The following INPP4B variants were observed in gnomAD, a reference collection of about 807,000 sequenced individuals.
INPP4B encodes the protein inositol polyphosphate-4-phosphatase type II B, also known as inositol polyphosphate 4-phosphatase type II.
In INPP4B, 55 loss-of-function variants were observed where a neutral mutation model predicts 122.5. The observed-to-expected ratio is 0.45, with a 90% CI of 0.36 to 0.56. INPP4B has a LOEUF of 0.56. INPP4B is among the 20% of genes least tolerant of loss of function. The pLI is 0.00. For missense variants in INPP4B, 1,000 were observed against 1,097.7 expected (o/e 0.91, Z 1.26); for synonymous variants, 403 against 388.7 (o/e 1.04, Z -0.43).
At chr4:142,409,476 G>A (rs960041498) in intron 5 of INPP4B, among the ~76,000 whole-genome samples, 4 of 147,506 alleles carry the variant, frequency 2.7e-5, no homozygotes, top group African/African-American at 1.0e-4. Flanking sequence ...CTGGGCAACA[G>A]AGCGAGACTC....
intron 1 of INPP4B, among the ~76,000 whole-genome samples, chr4:142,802,813 T>A (rs1460595699): frequency 1.3e-5 from 2 of 151,870 alleles, no homozygotes; most frequent in Non-Finnish European, 1.5e-5. Context: ...TGGTATTGAC[T>A]ATTTTTGTGC....
chr4:142,148,783 T>G (rs551976289), intron 17 of INPP4B, among the ~76,000 whole-genome samples: 4 of 152,164 alleles, frequency 2.6e-5, no homozygotes, highest in Non-Finnish European at 4.4e-5. Flanking sequence ...GCATGTTCAT[T>G]GGCTAAAACC....
intron 2 of INPP4B, among the ~76,000 whole-genome samples, chr4:142,524,548 T>A (rs188351012): frequency 6.6e-6 from 1 of 152,076 alleles, no homozygotes; most frequent in East Asian, 1.9e-4. Context: ...TTGTAGATTC[T>A]GGATATTAGC....
At chr4:142,568,501 C>T (rs1402642459) in intron 2 of INPP4B, among the ~76,000 whole-genome samples, 2 of 150,766 alleles carry the variant, frequency 1.3e-5, no homozygotes, top group Non-Finnish European at 3.0e-5. Flanking sequence ...TCATTGTTAT[C>T]ATCACCATTT....
chr4:142,332,847 TA>T (rs533319161), intron 7 of INPP4B, among the ~76,000 whole-genome samples: 4,043 of 123,344 alleles, frequency 0.033, 157 homozygotes, highest in African/African-American at 0.1. Context: ...TACTAAAAAT[TA>T]AAAAAAAAAA....
chr4:142,421,897 G>C (rs1806985211), intron 5 of INPP4B, among the ~76,000 whole-genome samples: 1 of 151,996 alleles, frequency 6.6e-6, no homozygotes, highest in Admixed American at 6.6e-5. Flanking sequence ...TATTAAAGTT[G>C]TTTATCCTCA....
At chr4:142,517,562 A>G (rs1279735121) in intron 2 of INPP4B, among the ~76,000 whole-genome samples, 3 of 152,070 alleles carry the variant, frequency 2.0e-5, no homozygotes, top group African/African-American at 4.8e-5. Context: ...TTAGCCATTC[A>G]TCAGAAACAG....
chr4:142,252,468 G>T (rs886698998), intron 11 of INPP4B, among the ~76,000 whole-genome samples: 4 of 152,054 alleles, frequency 2.6e-5, no homozygotes, highest in Non-Finnish European at 5.9e-5. Context: ...GATTACAGGC[G>T]TGAGCCACCG....
intron 1 of INPP4B, among the ~76,000 whole-genome samples, chr4:142,743,703 CA>C (rs1276351482): frequency 6.6e-6 from 1 of 151,898 alleles, no homozygotes; most frequent in Admixed American, 6.6e-5. Context: ...GTTTTAGATT[CA>C]CCCTAACAAA....
At chr4:142,427,609 C>T in intron 5 of INPP4B, 1 of 402,956 alleles carries the variant, frequency 2.5e-6, no homozygotes, top group Non-Finnish European at 4.4e-6. Context: ...TTCAAGTATG[C>T]CATTTCTTGA....
chr4:142,640,976 T>A (rs1188378564), intron 2 of INPP4B, among the ~76,000 whole-genome samples: 1 of 152,174 alleles, frequency 6.6e-6, no homozygotes, highest in Non-Finnish European at 1.5e-5. Context: ...CTGCTGCTGA[T>A]AGGAATATAA....
intron 1 of INPP4B, among the ~76,000 whole-genome samples, chr4:142,758,557 G>T (rs1444952): frequency 6.6e-6 from 1 of 152,136 alleles, no homozygotes; most frequent in Non-Finnish European, 1.5e-5. Flanking sequence ...GAGTGGACTA[G>T]AAAACCTCTA....
At chr4:142,519,762 T>C (rs1825851500) in intron 2 of INPP4B, among the ~76,000 whole-genome samples, 1 of 152,112 alleles carries the variant, frequency 6.6e-6, no homozygotes, top group Non-Finnish European at 1.5e-5. Context: ...TAAAATTAAT[T>C]TATCATTAAC....
At chr4:142,261,883 G>T (rs1007574740) in intron 10 of INPP4B, among the ~76,000 whole-genome samples, 5 of 152,092 alleles carry the variant, frequency 3.3e-5, no homozygotes, top group African/African-American at 1.2e-4. Flanking sequence ...GTACAAAAGT[G>T]CTTTCATAAT....
chr4:142,829,209 AC>A (rs1781802487), intron 1 of INPP4B, among the ~76,000 whole-genome samples: 1 of 151,926 alleles, frequency 6.6e-6, no homozygotes, highest in Non-Finnish European at 1.5e-5. Context: ...TTTTATGTTG[AC>A]TTGGATTCAC....
At chr4:142,063,216 G>T (rs972355179) in intron 25 of INPP4B, among the ~76,000 whole-genome samples, 15 of 152,122 alleles carry the variant, frequency 9.9e-5, no homozygotes, top group African/African-American at 3.1e-4. Flanking sequence ...TTTCTTAGCT[G>T]CTGGTGGAAA....
At chr4:142,079,667 T>C (rs779532993) in intron 25 of INPP4B, among the ~76,000 whole-genome samples, 26 of 152,206 alleles carry the variant, frequency 1.7e-4, no homozygotes, top group East Asian at 3.9e-4. Flanking sequence ...TGCATTAGCA[T>C]CAAAAATGTT....
chr4:142,344,725 G>C (rs780626191), intron 7 of INPP4B, among the ~76,000 whole-genome samples: 2 of 151,992 alleles, frequency 1.3e-5, no homozygotes, highest in Admixed American at 6.6e-5. Flanking sequence ...AGGGTGGAGA[G>C]TGGGAGGAGG....
chr4:142,480,297 A>T (rs1301065403), intron 2 of INPP4B, among the ~76,000 whole-genome samples: 3 of 152,156 alleles, frequency 2.0e-5, no homozygotes, highest in Non-Finnish European at 4.4e-5. Flanking sequence ...CAATTCATAG[A>T]TCCAATTTTT....
Sources: allele counts gnomAD v4.1 joint callset (sites outside exome capture counted in the v4.1 genomes callset), GRCh38; gene constraint gnomAD v4.1.1; transcripts MANE v1.5; gene names NCBI Gene and HGNC (gene_info 2026-07-23, HGNC 2026-07-21).